LRRTM4: variants seen among roughly 807,000 people sequenced by gnomAD.
LRRTM4 encodes leucine-rich repeat transmembrane neuronal protein 4.
LRRTM4 carries 25 observed loss-of-function variants against 47.6 expected under a neutral mutation model. The ratio of observed to expected loss-of-function variants is 0.53; its 90% confidence interval spans 0.38 to 0.73. The LOEUF (loss-of-function observed/expected upper bound fraction) is 0.73. Ranked by LOEUF, LRRTM4 falls within the 30% of genes least tolerant of loss-of-function variation. The probability of loss-of-function intolerance (pLI) is 0.00; values close to 1 mark genes in which losing one functional copy is unlikely to be tolerated. For synonymous variants in LRRTM4, 311 were observed against 269.5 expected (o/e 1.15, Z -1.51); for missense variants, 638 against 713.4 (o/e 0.89, Z 1.20).
intron 3 of LRRTM4, among the ~76,000 whole-genome samples, chr2:76,766,113 G>T (rs1051302442): frequency 1.3e-5 from 2 of 152,116 alleles, no homozygotes; most frequent in Non-Finnish European, 2.9e-5. Context: ...TCTGAATTTA[G>T]GGAAGAGCCT....
chr2:77,299,304 C>A (rs533956751), intron 3 of LRRTM4, among the ~76,000 whole-genome samples: 1 of 149,994 alleles, frequency 6.7e-6, no homozygotes, highest in South Asian at 2.1e-4. Flanking sequence ...TGTATATATA[C>A]ACGTATATAC....
At chr2:77,250,578 T>A (rs1456632594) in intron 3 of LRRTM4, among the ~76,000 whole-genome samples, 1 of 152,180 alleles carries the variant, frequency 6.6e-6, no homozygotes, top group East Asian at 1.9e-4. Context: ...TCTTCTTAAG[T>A]GGTTTCATAA....
chr2:76,789,005 A>G (rs1159174588), intron 3 of LRRTM4, among the ~76,000 whole-genome samples: 1 of 152,202 alleles, frequency 6.6e-6, no homozygotes, highest in East Asian at 1.9e-4. Flanking sequence ...ACACTGAGTT[A>G]AACAGCTAAT....
intron 3 of LRRTM4, among the ~76,000 whole-genome samples, chr2:77,182,972 A>G (rs1166015726): frequency 2.6e-5 from 4 of 152,266 alleles, no homozygotes; most frequent in Non-Finnish European, 5.9e-5. Context: ...ACCTAAAACC[A>G]TAAAAGCCCT....
intron 3 of LRRTM4, among the ~76,000 whole-genome samples, chr2:77,430,578 G>A (rs947059749): frequency 8.8e-5 from 13 of 147,366 alleles, no homozygotes; most frequent in African/African-American, 2.7e-4. Context: ...AAAATTAGAC[G>A]GGCGTGGTGG....
At chr2:76,837,473 G>A (rs1222026553) in intron 3 of LRRTM4, among the ~76,000 whole-genome samples, 1 of 151,862 alleles carries the variant, frequency 6.6e-6, no homozygotes. Flanking sequence ...TGTGATGTTA[G>A]GGTGTCAATT....
chr2:76,810,675 C>A (rs1191899618), intron 3 of LRRTM4, among the ~76,000 whole-genome samples: 1 of 152,084 alleles, frequency 6.6e-6, no homozygotes, highest in Non-Finnish European at 1.5e-5. Context: ...TTTTAACCTG[C>A]TGTAACTTAA....
intron 3 of LRRTM4, among the ~76,000 whole-genome samples, chr2:77,103,663 A>G (rs1317871231): frequency 6.9e-6 from 1 of 145,032 alleles, no homozygotes; most frequent in Non-Finnish European, 1.5e-5. Context: ...ATATATATAT[A>G]GATATATATA....
chr2:77,203,765 G>A (rs1164673017), intron 3 of LRRTM4, among the ~76,000 whole-genome samples: 1 of 152,174 alleles, frequency 6.6e-6, no homozygotes, highest in Non-Finnish European at 1.5e-5. Flanking sequence ...TACAGCCAGT[G>A]CATGGTAACA....
chr2:76,782,532 C>G (rs1389122050), intron 3 of LRRTM4, among the ~76,000 whole-genome samples: 1 of 152,176 alleles, frequency 6.6e-6, no homozygotes, highest in African/African-American at 2.4e-5. Context: ...TACAGCAGTA[C>G]AGTAATAAAT....
intron 3 of LRRTM4, among the ~76,000 whole-genome samples, chr2:76,888,884 T>G (rs1333789112): frequency 6.6e-6 from 1 of 151,932 alleles, no homozygotes; most frequent in Admixed American, 6.6e-5. Flanking sequence ...CTTTCGCCTT[T>G]TTAAGAGAAA....
At chr2:77,060,724 C>T (rs1437885540) in intron 3 of LRRTM4, among the ~76,000 whole-genome samples, 1 of 152,044 alleles carries the variant, frequency 6.6e-6, no homozygotes, top group Non-Finnish European at 1.5e-5. Context: ...ATTAACAGTT[C>T]TTACCTTGGG....
intron 3 of LRRTM4, among the ~76,000 whole-genome samples, chr2:76,925,943 T>TC (rs1331065056): frequency 3.3e-5 from 5 of 152,104 alleles, no homozygotes; most frequent in Non-Finnish European, 7.4e-5. Context: ...ATAGTTGCTC[T>TC]CCCCTTCCTC....
At chr2:76,975,747 A>G (rs1322284939) in intron 3 of LRRTM4, among the ~76,000 whole-genome samples, 1 of 151,788 alleles carries the variant, frequency 6.6e-6, no homozygotes, top group African/African-American at 2.4e-5. Flanking sequence ...ATAGGCCTTG[A>G]AGCATCCTTC....
At chr2:76,792,705 TG>T (rs1558656105) in intron 3 of LRRTM4, among the ~76,000 whole-genome samples, 1 of 152,112 alleles carries the variant, frequency 6.6e-6, no homozygotes, top group East Asian at 1.9e-4. Context: ...TAGAATTCTT[TG>T]TGCCACTCTC....
At chr2:76,946,372 C>T (rs577942902) in intron 3 of LRRTM4, among the ~76,000 whole-genome samples, 40 of 151,786 alleles carry the variant, frequency 2.6e-4, no homozygotes, top group African/African-American at 8.0e-4. Flanking sequence ...CCCATTTGCA[C>T]GATTTTTATA....
intron 3 of LRRTM4, among the ~76,000 whole-genome samples, chr2:77,380,729 G>A (rs1419896804): frequency 1.3e-5 from 2 of 151,798 alleles, no homozygotes; most frequent in Non-Finnish European, 2.9e-5. Flanking sequence ...CCGGGAGGCA[G>A]AGGATGTAGT....
chr2:76,910,475 A>G (rs1251744240), intron 3 of LRRTM4, among the ~76,000 whole-genome samples: 1 of 152,170 alleles, frequency 6.6e-6, no homozygotes, highest in African/African-American at 2.4e-5. Flanking sequence ...GTGCACATGT[A>G]CCCTAAAACT....
intron 3 of LRRTM4, among the ~76,000 whole-genome samples, chr2:76,939,776 TATG>T (rs1447052285): frequency 6.6e-6 from 1 of 152,134 alleles, no homozygotes; most frequent in African/African-American, 2.4e-5. Context: ...TATTAATATT[TATG>T]GGCATCTAAC....
Sources: gnomAD v4.1 joint callset for allele counts (sites outside exome capture counted in the v4.1 genomes callset) on GRCh38, gnomAD v4.1.1 for gene constraint, MANE v1.5 for transcripts, NCBI Gene and HGNC (gene_info 2026-07-23, HGNC 2026-07-21) for gene names.